The following ASB9 variants were observed in gnomAD, a reference collection of about 807,000 sequenced individuals.
ASB9 encodes the protein ankyrin repeat and SOCS box protein 9.
A neutral mutation model predicts 16.6 loss-of-function variants in ASB9; 5 were observed. That is an observed-to-expected ratio of 0.30 (90% CI 0.16 to 0.63). The LOEUF (loss-of-function observed/expected upper bound fraction) is 0.63. ASB9 is among the 30% of genes least tolerant of loss of function. The probability of loss-of-function intolerance (pLI) is 0.82; values close to 1 mark genes in which losing one functional copy is unlikely to be tolerated. For synonymous variants in ASB9, 100 were observed against 86.4 expected (o/e 1.16, Z -0.87); for missense variants, 216 against 229.4 (o/e 0.94, Z 0.38).
chrX:15,268,283 G>A (rs1926700491), intron 1 of ASB9, among the ~76,000 whole-genome samples: 1 of 104,830 alleles, frequency 9.5e-6, no homozygotes, highest in Admixed American at 1.0e-4. Flanking sequence ...AGTGAGCGGA[G>A]ATCTCGCCAT....
chrX:15,268,280 G>A (rs762236738), intron 1 of ASB9, among the ~76,000 whole-genome samples: 15 of 104,445 alleles, frequency 1.4e-4, no homozygotes, highest in South Asian at 4.8e-4. Flanking sequence ...TGCAGTGAGC[G>A]GAGATCTCGC....
In ASB9 at chrX:15,252,380, G is replaced by A. The variant is rs747826732; in HGVS notation, c.307C>T (p.His103Tyr). ...AQVNGVTADW[H>Y]TPLFNACVSG... ...ACACAAGCATTAAACAGTGGAGTGT[G>A]CCAGTCTGCTGTCACACCATTCACC... The change falls in exon 4 of 7, where the codon CAC becomes TAC. Residue 103 changes from histidine (H) to tyrosine (Y), a missense_variant. Coordinates refer to ENST00000380488, the MANE Select transcript of ASB9 (RefSeq NM_001031739.3). 5 of 1,207,231 alleles carry A rather than the reference G, an allele frequency of 4.1e-6. No homozygotes were observed. The Admixed American group carries it at 8.9e-5, about 21-fold the overall frequency.
In ASB9 at chrX:15,254,692, AT is replaced by A. The variant is rs746050514; in HGVS notation, c.282+44del. On this transcript the variant is annotated intron_variant, in intron 3 of 6. Coordinates refer to ENST00000380488, the MANE Select transcript of ASB9 (RefSeq NM_001031739.3). The stretch of plus-strand genomic sequence containing the variant: ...TTATTCAGAAGGGATATACATAGTC[AT>A]TTTTCATTCTTGGTTTCTAAGATGT... 8.7e-6 allele frequency: 9 copies of A among 1,038,030 alleles called. No individual in the cohort carries two copies. The Admixed American group carries it at 2.0e-4, about 23-fold the overall frequency. The allele number at this position is 1,038,030 out of a possible 1,213,427, so 85.5% of individuals were successfully genotyped here.
chrX:15,246,642 AT>A (rs773972497), intron 6 of ASB9, among the ~76,000 whole-genome samples: 1 of 110,264 alleles, frequency 9.1e-6, no homozygotes, highest in Non-Finnish European at 1.9e-5. Context: ...CGCCCGGCTA[AT>A]TTTTTTTGTA....
intron 1 of ASB9, among the ~76,000 whole-genome samples, chrX:15,268,978 T>C (rs2147668845): frequency 9.0e-6 from 1 of 110,855 alleles, no homozygotes; most frequent in South Asian, 4.0e-4. Flanking sequence ...GCCTTCACCC[T>C]CACCCTGCTG....
chrX:15,246,302 G>C (rs2147624818), intron 6 of ASB9, among the ~76,000 whole-genome samples: 1 of 112,005 alleles, frequency 8.9e-6, no homozygotes, highest in African/African-American at 3.2e-5. Context: ...GTAGCTTCAA[G>C]TCCATAGACA....
At chrX:15,247,118 G>A (rs781216089) in intron 6 of ASB9, among the ~76,000 whole-genome samples, 1 of 111,079 alleles carries the variant, frequency 9.0e-6, no homozygotes, top group East Asian at 2.8e-4. Flanking sequence ...TGAATGTAGG[G>A]GCACCCAGAG....
chrX:15,256,249 C>A (rs1311844368), intron 2 of ASB9, among the ~76,000 whole-genome samples: 1 of 108,274 alleles, frequency 9.2e-6, no homozygotes, highest in Non-Finnish European at 1.9e-5. Context: ...AACTGCTTTT[C>A]TGCTAAACAG....
rs2147622081 is a variant in ASB9 at position 15,244,601 on chromosome X, G to T, written c.790C>A (p.Leu264Ile). ...GPPSLMQLCR[L>I]RIRKCFGIQQ... ...ATTCCAAAACACTTCCGAATTCTAA[G>T]GCGGCATAACTGCATCAAAGAAGGG... is the stretch of plus-strand genomic sequence containing the variant. Residue 264 changes from leucine to isoleucine, a missense_variant, in exon 7 of 7, where the codon CTT (leucine) becomes ATT (isoleucine). Transcript: ENST00000380488. The T allele has an allele frequency of 1.7e-6, 2 of 1,204,111 alleles. No individual in the cohort carries two copies. The highest frequency in any genetic ancestry group is 2.2e-6 in the Non-Finnish European group (2 of 889,684).
chrX:15,267,428 AT>A (rs1926571880), intron 1 of ASB9, among the ~76,000 whole-genome samples: 3 of 48,425 alleles, frequency 6.2e-5, no homozygotes, highest in African/African-American at 2.2e-4. Context: ...ATATATATAT[AT>A]ATATAATTAT....
intron 1 of ASB9, among the ~76,000 whole-genome samples, chrX:15,266,322 A>G (rs770991920): frequency 8.9e-6 from 1 of 112,220 alleles, no homozygotes; most frequent in South Asian, 3.7e-4. Context: ...GATGAATGCA[A>G]CCATCTCCCA....
Position 15,254,765 on chromosome X carries a change from A to G in ASB9, c.254T>C (p.Val85Ala). ...EACLGGHLSC[V>A]KILLKHGAQV... ...AGCTCCATGCTTTAATAAAATCTTC[A>G]CACAAGAGAGATGACCTCCAAGACA... The change falls in exon 3 of 7, where the codon GTG becomes GCG. Residue 85 changes from valine (V) to alanine (A), a missense_variant. By Grantham distance (64) the Val-to-Ala change is moderately conservative (BLOSUM62 0). Transcript: ENST00000380488. The G allele has an allele frequency of 8.3e-7, 1 of 1,210,443 alleles. No homozygotes were observed. The highest frequency in any genetic ancestry group is 1.8e-5 in the South Asian group (1 of 56,906).
intron 4 of ASB9, among the ~76,000 whole-genome samples, 160 bp from the exon 5 acceptor site, chrX:15,250,724 A>C (rs1051700896): frequency 4.7e-4 from 53 of 111,613 alleles, no homozygotes; most frequent in African/African-American, 1.6e-3. Context: ...ATTTTATTTC[A>C]TTTTATTTTA....
At chrX:15,251,680 T>C (rs1925131911) in intron 4 of ASB9, among the ~76,000 whole-genome samples, 1 of 112,121 alleles carries the variant, frequency 8.9e-6, no homozygotes, top group Admixed American at 9.5e-5. Context: ...TGTGATTTTA[T>C]GAGCTAAGAC....
intron 3 of ASB9, among the ~76,000 whole-genome samples, chrX:15,252,945 A>G (rs927527613): frequency 7.1e-5 from 8 of 112,770 alleles, no homozygotes; most frequent in Admixed American, 1.9e-4. Flanking sequence ...GGCTCAAAAA[A>G]ACATTTGGCC....
intron 6 of ASB9, among the ~76,000 whole-genome samples, chrX:15,246,374 G>A (rs12686917): frequency 0.29 from 32,739 of 111,571 alleles, 3,673 homozygotes; most frequent in East Asian, 0.68. Context: ...TATTCAAGGG[G>A]TTTGCTTTGC....
At chrX:15,250,105 G>A (rs2147631395) in intron 5 of ASB9, among the ~76,000 whole-genome samples, 1 of 111,643 alleles carries the variant, frequency 9.0e-6, no homozygotes, top group Non-Finnish European at 1.9e-5. Flanking sequence ...GTTATGCAGG[G>A]CTTAATAATG....
intron 1 of ASB9, among the ~76,000 whole-genome samples, chrX:15,263,281 G>A (rs940809464): frequency 2.7e-4 from 30 of 111,258 alleles, no homozygotes; most frequent in African/African-American, 9.8e-4. Context: ...AGGAGTATTT[G>A]CCTTCAGTCT....
intron 4 of ASB9, 83 bp from the exon 5 acceptor site, chrX:15,250,647 A>T: frequency 1.0e-6 from 1 of 972,071 alleles, no homozygotes; most frequent in Non-Finnish European, 1.4e-6. Flanking sequence ...TTTTGCATTA[A>T]ATTTGGCAGC....
Sources: allele counts gnomAD v4.1 joint callset (sites outside exome capture counted in the v4.1 genomes callset), GRCh38; gene constraint gnomAD v4.1.1; transcripts MANE v1.5; gene names NCBI Gene and HGNC (gene_info 2026-07-23, HGNC 2026-07-21).